Variants in SIKE1 observed in about 807,000 individuals in gnomAD.
The protein encoded by SIKE1 is suppressor of IKBKE 1.
A neutral mutation model predicts 25.8 loss-of-function variants in SIKE1; 13 were observed. The observed-to-expected ratio is 0.50, with a 90% CI of 0.33 to 0.80. The LOEUF (loss-of-function observed/expected upper bound fraction) is 0.80. Ranked by LOEUF, SIKE1 falls within the 30% of genes least tolerant of loss-of-function variation. The probability of loss-of-function intolerance (pLI) is 0.02; values close to 1 mark genes in which losing one functional copy is unlikely to be tolerated. For synonymous variants in SIKE1, 86 were observed against 95.5 expected (o/e 0.90, Z 0.58); for missense variants, 222 against 252.4 (o/e 0.88, Z 0.82).
In SIKE1 at chr1:114,780,684, T is replaced by G; in HGVS notation, c.-77A>C. The stretch of plus-strand genomic sequence containing the variant: ...GATCTTCTGGGAGTCTGTCTCAGCA[T>G]TACAGGCGTCATTTCCGGGCACGTT... On this transcript the variant is annotated 5_prime_UTR_variant, in exon 1 of 5. The change abolishes an upstream ATG in the 5' untranslated region. Coordinates refer to ENST00000060969, the MANE Select transcript of SIKE1 (RefSeq NM_025073.3). 4 of 1,311,516 alleles carry G rather than the reference T, an allele frequency of 3.0e-6. No individual in the cohort carries two copies. The highest frequency in any genetic ancestry group is 4.1e-6 in the Non-Finnish European group (4 of 967,946). The allele number at this position is 1,311,516 out of a possible 1,614,324, so 81.2% of individuals were successfully genotyped here.
chr1:114,779,084 C>A, intron 3 of SIKE1, 58 bp downstream of exon 3: 1 of 1,604,858 alleles, frequency 6.2e-7, no homozygotes, highest in Non-Finnish European at 8.5e-7. Flanking sequence ...AGCACACAAT[C>A]TAAAACAATC....
Position 114,770,179 on chromosome 1 carries a change from A to G in SIKE1, c.*4092T>C, listed in dbSNP as rs1370882237. ...TTTGGGAGGCCAAGGCGGGCGGATC[A>G]CCTGAAGTCATAAGTTCGAGACCAG... On this transcript the variant is annotated 3_prime_UTR_variant, in exon 5 of 5. Coordinates refer to ENST00000060969, the MANE Select transcript of SIKE1 (RefSeq NM_025073.3). 6.6e-6 allele frequency: 1 copy of G among 152,310 alleles called. No homozygotes were observed. Among genetic ancestry groups the G allele is most frequent in the African/African-American group, 2.4e-5 (1 of 41,464 alleles). The allele number at this position is 152,310 out of a possible 1,614,324, so 9.4% of individuals were successfully genotyped here. A position where few individuals can be genotyped will look rare whatever the true frequency, so the allele number is the denominator to read the frequency against.
At position 114,776,529 on chromosome 1, in the gene SIKE1, T is replaced by G; in HGVS notation, c.409-70A>C. The stretch of plus-strand genomic sequence containing the variant: ...TGTAGATATAAAGAACGTAAAAGCA[T>G]GTGCATTACGATTTTTAAAAGTTCA... On this transcript the variant is annotated intron_variant, in intron 3 of 4. Coordinates refer to ENST00000060969, the MANE Select transcript of SIKE1 (RefSeq NM_025073.3). 1.7e-5 allele frequency: 17 copies of G among 975,658 alleles called. No homozygotes were observed. The South Asian group carries it at 2.3e-4, about 13-fold the overall frequency. The allele number at this position is 975,658 out of a possible 1,614,324, so 60.4% of individuals were successfully genotyped here.
Position 114,774,295 on chromosome 1 carries a change from G to A in SIKE1, c.600C>T (p.Asp200=). The A allele has an allele frequency of 6.2e-7, 1 of 1,611,712 alleles. No homozygotes were observed. The highest frequency in any genetic ancestry group is 1.1e-5 in the South Asian group (1 of 90,880). ...SLQARKENSM[D]TASQAIK is the part of the protein sequence containing the mutation. Reference sequence around the variant, plus strand: ...GTTATTTGATGGCTTGGGAAGCAGTGTCCATTGAGTTTTCCTTTCTGGCTT... The same window carrying A: ...GTTATTTGATGGCTTGGGAAGCAGTATCCATTGAGTTTTCCTTTCTGGCTT... Residue 200 remains aspartate, a synonymous_variant, in exon 5 of 5, where the codon GAC becomes GAT. Transcript: ENST00000060969.
chr1:114,769,589 A>T lies in SIKE1; in HGVS notation c.*4682T>A, dbSNP rs1180731752. ...TGAAAATGACAGCTATAAAACAATA[A>T]AACTTGTGAATTCTAGAGACATGTT... is the stretch of plus-strand genomic sequence containing the variant. On this transcript the variant is annotated 3_prime_UTR_variant, in exon 5 of 5. Coordinates refer to ENST00000060969, the MANE Select transcript of SIKE1 (RefSeq NM_025073.3). 2.0e-5 allele frequency: 3 copies of T among 152,164 alleles called. No individual in the cohort carries two copies. The highest frequency in any genetic ancestry group is 4.4e-5 in the Non-Finnish European group (3 of 68,022). The allele number at this position is 152,164 out of a possible 1,614,324, so 9.4% of individuals were successfully genotyped here.
intron 3 of SIKE1, 131 bp downstream of exon 3, chr1:114,779,011 C>G: frequency 9.3e-7 from 1 of 1,076,822 alleles, no homozygotes; most frequent in Non-Finnish European, 1.4e-6. Context: ...GAGCCGAGAT[C>G]GTGCCATTAC....
chr1:114,777,982 C>G (rs868743439), intron 3 of SIKE1, among the ~76,000 whole-genome samples: 8 of 152,188 alleles, frequency 5.3e-5, no homozygotes, highest in African/African-American at 1.9e-4. Context: ...GAAAGTTTAT[C>G]TATCTGAGTA....
intron 4 of SIKE1, among the ~76,000 whole-genome samples, chr1:114,774,860 A>G (rs1662168525): frequency 6.6e-6 from 1 of 152,204 alleles, no homozygotes. Context: ...GGTGCCCTGT[A>G]TATGTTATCT....
At position 114,779,229 on chromosome 1, in the gene SIKE1, T is replaced by C. The variant is rs748637343; in HGVS notation, c.321A>G (p.Lys107=). ...HQDALELIMS[K]YRKQMLQLMV... is the part of the protein sequence containing the mutation. ...TTAACTGTAACATCTGTTTCCGATATTTGCTCATGATAAGTTCCAAAGCAT... is the reference window on the plus strand; with the variant it reads ...TTAACTGTAACATCTGTTTCCGATACTTGCTCATGATAAGTTCCAAAGCAT... The change falls in exon 3 of 5, where the codon AAA becomes AAG. Residue 107 remains lysine, a synonymous_variant. Transcript: ENST00000060969. The C allele has an allele frequency of 2.7e-5, 44 of 1,614,096 alleles. No individual in the cohort carries two copies. The highest frequency in any genetic ancestry group is 3.6e-5 in the Non-Finnish European group (42 of 1,180,042).
Position 114,776,433 on chromosome 1 carries a change from G to T in SIKE1, c.435C>A (p.Ile145=), listed in dbSNP as rs373820527. 41 of 1,612,960 alleles carry T rather than the reference G, an allele frequency of 2.5e-5. No individual in the cohort carries two copies. The African/African-American group carries it at 4.1e-4, about 16-fold the overall frequency. ...SAEIESQIDR[I]CEMGEVMRKA... ...TCCTCATCACTTCTCCCATTTCACA[G>T]ATTCTGTCAATCTGACTCTCAATTT... The change falls in exon 4 of 5, where the codon ATC becomes ATA. Residue 145 remains isoleucine (I), a synonymous_variant. Coordinates refer to ENST00000060969, the MANE Select transcript of SIKE1 (RefSeq NM_025073.3).
In SIKE1 at chr1:114,772,872, A is replaced by G. The variant is rs1662105933; in HGVS notation, c.*1399T>C. 1 of 152,236 alleles carries G rather than the reference A, an allele frequency of 6.6e-6. No individual in the cohort carries two copies. Among genetic ancestry groups the G allele is most frequent in the South Asian group, 2.1e-4 (1 of 4,832 alleles). 9.4% of individuals were successfully genotyped at this position (152,236 alleles called of 1,614,324 possible). ...TCATTAACACCCACTGCTCTAGATG[A>G]CATCCATTAGTTATTACTGGGATCA... On this transcript the variant is annotated 3_prime_UTR_variant, in exon 5 of 5. Coordinates refer to ENST00000060969, the MANE Select transcript of SIKE1 (RefSeq NM_025073.3).
chr1:114,778,984 G>A, intron 3 of SIKE1, 158 bp downstream of exon 3: 1 of 790,808 alleles, frequency 1.3e-6, no homozygotes, highest in Admixed American at 2.5e-5. Flanking sequence ...TTGAGCCCAG[G>A]AGGCAGAGGT....
At chr1:114,780,419 A>G in intron 1 of SIKE1, 30 bp downstream of exon 1, 1 of 1,609,906 alleles carries the variant, frequency 6.2e-7, no homozygotes, top group African/African-American at 1.3e-5. Context: ...CCAGAATCCG[A>G]GAGCACTGGA....
chr1:114,776,214 G>A (rs1330974759), intron 4 of SIKE1, 132 bp downstream of exon 4: 21 of 641,588 alleles, frequency 3.3e-5, no homozygotes, highest in Non-Finnish European at 5.5e-5. Context: ...AGGGTATGAA[G>A]GAGGAGTTTT....
intron 3 of SIKE1, among the ~76,000 whole-genome samples, chr1:114,776,743 C>T (rs1295359476): frequency 6.6e-6 from 1 of 151,904 alleles, no homozygotes; most frequent in African/African-American, 2.4e-5. Context: ...CCCAGCAATC[C>T]CATTACTGGG....
intron 4 of SIKE1, 109 bp from the exon 5 acceptor site, chr1:114,774,481 A>G: frequency 1.4e-6 from 1 of 716,994 alleles, no homozygotes; most frequent in South Asian, 2.3e-5. Context: ...ATTTTAAAAA[A>G]TTTATGGAAA....
rs1231764130 is a variant in SIKE1 at position 114,773,643 on chromosome 1, G to A, written c.*628C>T. 3 of 152,358 alleles carry A rather than the reference G, an allele frequency of 2.0e-5. No homozygotes were observed. The highest frequency in any genetic ancestry group is 4.4e-5 in the Non-Finnish European group (3 of 67,962). The allele number at this position is 152,358 out of a possible 1,614,324, so 9.4% of individuals were successfully genotyped here. On this transcript the variant is annotated 3_prime_UTR_variant, in exon 5 of 5. Transcript: ENST00000060969. The stretch of plus-strand genomic sequence containing the variant: ...AATATGACAACTATAGCATCACTGG[G>A]CAAAAAAAATAGCTGACTTATTTCC...
At chr1:114,776,061 G>A (rs1304443140) in intron 4 of SIKE1, among the ~76,000 whole-genome samples, 1 of 152,110 alleles carries the variant, frequency 6.6e-6, no homozygotes, top group Non-Finnish European at 1.5e-5. Flanking sequence ...TATGGCAGAT[G>A]AAGGATTTTA....
chr1:114,776,653 T>TG (rs1465850585), intron 3 of SIKE1, among the ~76,000 whole-genome samples, 194 bp from the exon 4 acceptor site: 1 of 147,330 alleles, frequency 6.8e-6, no homozygotes, highest in Non-Finnish European at 1.5e-5. Context: ...CGGATATTTT[T>TG]TTTTTTTTCT....
Sources: allele counts gnomAD v4.1 joint callset (sites outside exome capture counted in the v4.1 genomes callset), GRCh38; gene constraint gnomAD v4.1.1; transcripts MANE v1.5; gene names NCBI Gene and HGNC (gene_info 2026-07-23, HGNC 2026-07-21).